The following CEP72 variants were observed in gnomAD, a reference collection of about 807,000 sequenced individuals.
The protein encoded by CEP72 is centrosomal protein of 72 kDa.
In CEP72, 78 loss-of-function variants were observed where a neutral mutation model predicts 65.7. The ratio of observed to expected loss-of-function variants is 1.19; its 90% confidence interval spans 0.99 to 1.43. The LOEUF (loss-of-function observed/expected upper bound fraction) is 1.43. Among genes scored for constraint, CEP72 ranks in the 40% most tolerant of loss-of-function variants. The pLI is 0.00. For missense variants in CEP72, 914 were observed against 832.9 expected (o/e 1.10, Z -1.20); for synonymous variants, 358 against 351.7 (o/e 1.02, Z -0.20).
At chr5:642,114 G>A (rs1738083550) in intron 9 of CEP72, 5 of 975,436 alleles carry the variant, frequency 5.1e-6, no homozygotes, top group Non-Finnish European at 6.1e-6. Flanking sequence ...TTAAACACAC[G>A]TGGTCCCCCG....
At chr5:638,038 G>A (rs548295639) in intron 7 of CEP72, among the ~76,000 whole-genome samples, 3 of 152,310 alleles carry the variant, frequency 2.0e-5, no homozygotes, top group South Asian at 2.1e-4. Flanking sequence ...TTACGCCTAC[G>A]GCACTGACCG....
chr5:652,938 C>G, intron 11 of CEP72, 50 bp from the exon 12 acceptor site: 1 of 1,529,512 alleles, frequency 6.5e-7, no homozygotes, highest in Non-Finnish European at 8.8e-7. Flanking sequence ...AGGGCCACAC[C>G]GCTGGAGAGG....
the CEP72 span, chr5:676,498 G>A: frequency 8.5e-5 from 13 of 152,410 alleles, no homozygotes; most frequent in Middle Eastern, 3.4e-3. Context: ...GAAGGTGCAG[G>A]AGCTCTGAGA....
intron 8 of CEP72, among the ~76,000 whole-genome samples, chr5:639,454 T>A (rs1737854194): frequency 6.6e-6 from 1 of 152,222 alleles, no homozygotes; most frequent in South Asian, 2.1e-4. Flanking sequence ...TCCCCCGCTG[T>A]GCTCTGGGGT....
chr5:671,678 G>C (rs1395662206), downstream of CEP72, among the ~76,000 whole-genome samples: 3 of 152,204 alleles, frequency 2.0e-5, no homozygotes, highest in Non-Finnish European at 2.9e-5. Context: ...TGAACCCTCA[G>C]CCACAGACGT....
In CEP72 at chr5:620,050, CTG is replaced by C. The variant is rs781026161; in HGVS notation, c.211-15_211-14del. 6.9e-6 allele frequency: 11 copies of C among 1,586,774 alleles called. No homozygotes were observed. In the Admixed American group the frequency reaches 1.8e-4, roughly 27 times the overall value. ...CTTGTTTAAAGTGTGAATGAATTCA[CTG>C]TGTTTTCTGTTGACAGGGCATTCAG... On this transcript the variant is annotated splice_polypyrimidine_tract_variant and intron_variant, in intron 2 of 11. Coordinates refer to ENST00000264935, the MANE Select transcript of CEP72 (RefSeq NM_018140.4).
chr5:622,896 C>G (rs185744324), intron 3 of CEP72, among the ~76,000 whole-genome samples: 1 of 152,330 alleles, frequency 6.6e-6, no homozygotes, highest in Admixed American at 6.5e-5. Flanking sequence ...TTGAGTTTGG[C>G]TGTTTCAGGA....
downstream of CEP72, among the ~76,000 whole-genome samples, chr5:671,631 A>C (rs532744412): frequency 2.1e-3 from 321 of 152,352 alleles, 1 homozygote; most frequent in Non-Finnish European, 3.5e-3. Flanking sequence ...TGCAGGGTAC[A>C]GGAGCCACAG....
At chr5:663,039 C>G (rs111639695) in intron 1 of CEP72, 3 of 149,078 alleles carry the variant, frequency 2.0e-5, no homozygotes, top group East Asian at 1.9e-4. Flanking sequence ...CGGGTGAGTC[C>G]GATGACTGCT....
chr5:671,140 T>C (rs1740207830), downstream of CEP72, among the ~76,000 whole-genome samples: 1 of 152,004 alleles, frequency 6.6e-6, no homozygotes, highest in African/African-American at 2.4e-5. Context: ...GGCTCCCCCC[T>C]GCCTGAGGGG....
At chr5:613,055 G>A (rs1055326429) in intron 1 of CEP72, among the ~76,000 whole-genome samples, 1 of 152,220 alleles carries the variant, frequency 6.6e-6, no homozygotes, top group African/African-American at 2.4e-5. Context: ...GACAAATTCT[G>A]TATCTCTGGT....
chr5:667,565 A>G (rs1739972980), downstream of CEP72, among the ~76,000 whole-genome samples: 1 of 151,982 alleles, frequency 6.6e-6, no homozygotes, highest in South Asian at 2.1e-4. Flanking sequence ...GATGAACTAG[A>G]CTTCATCAAA....
the CEP72 span, chr5:675,789 G>T: frequency 6.6e-6 from 1 of 152,286 alleles, no homozygotes; most frequent in African/African-American, 2.4e-5. Context: ...CCGCTAAGGT[G>T]TTGGCAAATG....
In CEP72 at chr5:629,530, C is replaced by T. The variant is rs1183644578; in HGVS notation, c.513-4239C>T. On this transcript the variant is annotated intron_variant, in intron 4 of 11. Transcript: ENST00000264935. ...GTCCTGGTGGGGTTCTGTCCAGTGC[C>T]GGGATTTGGACCAGTCCTGGTGGGG... Among the ~76,000 whole-genome samples, 6 of 114,876 alleles carry T rather than the reference C, an allele frequency of 5.2e-5. No homozygotes were observed. In the East Asian group the frequency reaches 9.9e-4, roughly 19 times the overall value. The allele number at this position is 114,876 out of a possible 152,430, so 75.4% of individuals were successfully genotyped here.
intron 6 of CEP72, among the ~76,000 whole-genome samples, chr5:636,917 TTGTC>T (rs1210590667): frequency 2.0e-5 from 3 of 151,822 alleles, no homozygotes; most frequent in South Asian, 2.1e-4. Context: ...CCTAGCCAGG[TTGTC>T]TGTCAGCCGC....
At chr5:648,658 T>TG (rs201627525) in intron 11 of CEP72, among the ~76,000 whole-genome samples, 7 of 121,748 alleles carry the variant, frequency 5.7e-5, no homozygotes, top group Admixed American at 9.0e-5. Context: ...CTGTGAGGTG[T>TG]GACTGTGAGG....
chr5:636,849 G>A (rs1357693968), intron 6 of CEP72, among the ~76,000 whole-genome samples: 8 of 151,204 alleles, frequency 5.3e-5, no homozygotes, highest in African/African-American at 1.7e-4. Context: ...ACCTTGTCTC[G>A]CGTGACCCTG....
chr5:657,374 T>C (rs924823440), downstream of CEP72, among the ~76,000 whole-genome samples: 1 of 152,220 alleles, frequency 6.6e-6, no homozygotes, highest in African/African-American at 2.4e-5. Flanking sequence ...GACAGCCACT[T>C]ACGATTTTCC....
At chr5:628,826 C>T (rs1377343071) in intron 4 of CEP72, among the ~76,000 whole-genome samples, 92 of 129,876 alleles carry the variant, frequency 7.1e-4, no homozygotes, top group African/African-American at 2.3e-3. Context: ...TTGCCGTCCC[C>T]AGGGAGTGGC....
Sources: gnomAD v4.1 joint callset for allele counts (sites outside exome capture counted in the v4.1 genomes callset) on GRCh38, gnomAD v4.1.1 for gene constraint, MANE v1.5 for transcripts, NCBI Gene and HGNC (gene_info 2026-07-23, HGNC 2026-07-21) for gene names.